The following FSIP1 variants were observed in gnomAD, a reference collection of about 807,000 sequenced individuals.
FSIP1 encodes the protein fibrous sheath-interacting protein 1.
FSIP1 carries 65 observed loss-of-function variants against 60.9 expected under a neutral mutation model. That is an observed-to-expected ratio of 1.07 (90% confidence interval 0.87 to 1.31). FSIP1 has a LOEUF of 1.31. FSIP1 is among the 40% of genes most tolerant of loss of function. The pLI is 0.00. For missense variants in FSIP1, 675 were observed against 665.5 expected (o/e 1.01, Z -0.16); for synonymous variants, 209 against 221.2 (o/e 0.94, Z 0.49).
chr15:39,750,922 C>T (rs1291910858), intron 5 of FSIP1, among the ~76,000 whole-genome samples: 1 of 151,828 alleles, frequency 6.6e-6, no homozygotes, highest in Non-Finnish European at 1.5e-5. Flanking sequence ...ATAAAGAACT[C>T]ATACAACTCA....
intron 10 of FSIP1, among the ~76,000 whole-genome samples, chr15:39,641,962 C>G (rs1892388100): frequency 6.6e-6 from 1 of 152,104 alleles, no homozygotes; most frequent in Non-Finnish European, 1.5e-5. Context: ...TATAGAAATG[C>G]AAATTGCAGT....
chr15:39,722,709 T>C (rs1896030393), intron 9 of FSIP1, among the ~76,000 whole-genome samples: 1 of 152,078 alleles, frequency 6.6e-6, no homozygotes, highest in Non-Finnish European at 1.5e-5. Context: ...GGCAGGTGGA[T>C]CTCTTGAGGC....
At chr15:39,609,255 C>T (rs571823636) in intron 11 of FSIP1, among the ~76,000 whole-genome samples, 177 of 152,336 alleles carry the variant, frequency 1.2e-3, no homozygotes, top group Non-Finnish European at 1.7e-3. Flanking sequence ...TAGCACTGTC[C>T]TGCAGGAAGT....
chr15:39,679,247 C>T (rs536171973), intron 10 of FSIP1, among the ~76,000 whole-genome samples: 5 of 152,296 alleles, frequency 3.3e-5, no homozygotes, highest in African/African-American at 1.2e-4. Flanking sequence ...AAAACGCTAA[C>T]GGCTAAGGAA....
intron 1 of FSIP1, among the ~76,000 whole-genome samples, chr15:39,780,391 G>T (rs1004100612): frequency 1.3e-5 from 2 of 152,156 alleles, no homozygotes; most frequent in Non-Finnish European, 2.9e-5. Context: ...CGGGAGTGGT[G>T]ATGGGCGCCT....
intron 10 of FSIP1, among the ~76,000 whole-genome samples, chr15:39,677,813 T>C (rs145780048): frequency 6.4e-4 from 98 of 152,176 alleles, no homozygotes; most frequent in African/African-American, 2.3e-3. Flanking sequence ...CTGGCCAACA[T>C]GGTGAAACCC....
At chr15:39,743,165 G>C (rs1595685255) in intron 5 of FSIP1, among the ~76,000 whole-genome samples, 1 of 152,104 alleles carries the variant, frequency 6.6e-6, no homozygotes, top group South Asian at 2.1e-4. Context: ...TAAAACACCT[G>C]TAAAGACACA....
chr15:39,758,051 A>G (rs941701825), intron 5 of FSIP1, among the ~76,000 whole-genome samples: 10 of 152,240 alleles, frequency 6.6e-5, no homozygotes, highest in Admixed American at 6.5e-4. Flanking sequence ...CATTAAGTCC[A>G]CTTAATTTCC....
intron 10 of FSIP1, among the ~76,000 whole-genome samples, chr15:39,638,154 T>C (rs1226271550): frequency 6.6e-6 from 1 of 152,244 alleles, no homozygotes; most frequent in African/African-American, 2.4e-5. Context: ...CCCAAGAATA[T>C]TTTAAAATTC....
chr15:39,627,652 T>A (rs757227596), intron 10 of FSIP1, among the ~76,000 whole-genome samples: 8 of 151,976 alleles, frequency 5.3e-5, no homozygotes, highest in Non-Finnish European at 7.4e-5. Context: ...TCTCTCTGCA[T>A]GTGTCCCACA....
intron 7 of FSIP1, among the ~76,000 whole-genome samples, chr15:39,738,852 G>A (rs1308375226): frequency 1.3e-5 from 2 of 152,212 alleles, no homozygotes; most frequent in African/African-American, 4.8e-5. Context: ...CCTGGCAGTG[G>A]CAGGCTGCCC....
intron 6 of FSIP1, among the ~76,000 whole-genome samples, chr15:39,741,306 C>T (rs1157764851): frequency 6.6e-6 from 1 of 152,210 alleles, no homozygotes; most frequent in Non-Finnish European, 1.5e-5. Flanking sequence ...GTCCTCTTCT[C>T]CTCTCCAGTC....
At chr15:39,702,055 T>C (rs1477322993) in intron 10 of FSIP1, among the ~76,000 whole-genome samples, 2 of 152,184 alleles carry the variant, frequency 1.3e-5, no homozygotes, top group African/African-American at 4.8e-5. Flanking sequence ...AGGCTTATCG[T>C]TGGTAACTCT....
chr15:39,714,980 A>AG (rs1159972319), intron 9 of FSIP1, among the ~76,000 whole-genome samples: 1 of 150,752 alleles, frequency 6.6e-6, no homozygotes, highest in Admixed American at 6.6e-5. Flanking sequence ...CTCAAAAAAA[A>AG]AAAAAAAAAA....
At chr15:39,683,551 T>C (rs556116035) in intron 10 of FSIP1, among the ~76,000 whole-genome samples, 1 of 152,258 alleles carries the variant, frequency 6.6e-6, no homozygotes, top group African/African-American at 2.4e-5. Flanking sequence ...CTACTTGACA[T>C]TGTACTAGAA....
chr15:39,724,166 T>A (rs1160097333), intron 9 of FSIP1, among the ~76,000 whole-genome samples: 5 of 152,194 alleles, frequency 3.3e-5, no homozygotes, highest in Non-Finnish European at 7.3e-5. Flanking sequence ...TTCCCTTTCA[T>A]TATTTTTAAA....
At chr15:39,659,318 G>A (rs546705302) in intron 10 of FSIP1, among the ~76,000 whole-genome samples, 95 of 152,200 alleles carry the variant, frequency 6.2e-4, no homozygotes, top group African/African-American at 2.0e-3. Context: ...TGAGGCTGGC[G>A]GATCAAGAGG....
chr15:39,765,241 CTTT>C (rs71132116), intron 4 of FSIP1, among the ~76,000 whole-genome samples: 9 of 115,160 alleles, frequency 7.8e-5, no homozygotes, highest in African/African-American at 1.3e-4. Context: ...GAAATTCTTT[CTTT>C]TTTTTTTTTT....
At chr15:39,718,304 A>ATG (rs10657604) in intron 9 of FSIP1, among the ~76,000 whole-genome samples, 18,751 of 151,750 alleles carry the variant, frequency 0.12, 1,385 homozygotes, top group African/African-American at 0.2. Flanking sequence ...ATACATATAT[A>ATG]TGTGTGTGTA....
Sources: gnomAD v4.1 joint callset for allele counts (sites outside exome capture counted in the v4.1 genomes callset) on GRCh38, gnomAD v4.1.1 for gene constraint, MANE v1.5 for transcripts, NCBI Gene and HGNC (gene_info 2026-07-23, HGNC 2026-07-21) for gene names.